RBBP8: variants seen among roughly 807,000 people sequenced by gnomAD.
RBBP8 encodes the protein RB binding protein 8, endonuclease.
Under a neutral mutation model 108.3 loss-of-function variants are expected in RBBP8, and 88 were observed. That is an observed-to-expected ratio of 0.81 (90% CI 0.68 to 0.97). The LOEUF (loss-of-function observed/expected upper bound fraction) is 0.97, where lower values mean the gene tolerates loss of function less well. RBBP8 is among the 50% of genes least tolerant of loss of function. The pLI, the probability that RBBP8 is intolerant of heterozygous loss-of-function variation, is 0.00. For missense variants in RBBP8, 1,023 were observed against 1,049.0 expected (o/e 0.98, Z 0.34); for synonymous variants, 332 against 348.2 (o/e 0.95, Z 0.52).
intron 17 of RBBP8, among the ~76,000 whole-genome samples, chr18:23,020,237 A>G (rs2144838480): frequency 6.6e-6 from 1 of 151,786 alleles, no homozygotes; most frequent in Non-Finnish European, 1.5e-5. Flanking sequence ...CCTGGCCAAC[A>G]TGGTAAAACC....
At chr18:22,998,449 T>G (rs892162533) in intron 14 of RBBP8, among the ~76,000 whole-genome samples, 1 of 152,200 alleles carries the variant, frequency 6.6e-6, no homozygotes, top group Non-Finnish European at 1.5e-5. Context: ...ATGAGAACAA[T>G]AGGAGGATTT....
At chr18:23,008,092 G>A (rs9963962) in intron 16 of RBBP8, among the ~76,000 whole-genome samples, 74,710 of 151,936 alleles carry the variant, frequency 0.49, 21,713 homozygotes, top group Middle Eastern at 0.67. Context: ...GATTACAGGC[G>A]TGAACCACCA....
At chr18:22,966,741 T>G (rs34559785) in intron 4 of RBBP8, among the ~76,000 whole-genome samples, 1 of 138,662 alleles carries the variant, frequency 7.2e-6, no homozygotes, top group East Asian at 2.0e-4. Flanking sequence ...TTTTTTTTTT[T>G]GGAGAGAGAG....
upstream of RBBP8, among the ~76,000 whole-genome samples, chr18:22,930,126 T>A (rs766511299): frequency 6.6e-6 from 1 of 152,154 alleles, no homozygotes; most frequent in Non-Finnish European, 1.5e-5. Flanking sequence ...AATCCTAGAG[T>A]CTGTACTGCT....
intron 4 of RBBP8, among the ~76,000 whole-genome samples, chr18:22,963,874 C>T (rs1249169331): frequency 1.3e-5 from 2 of 152,052 alleles, no homozygotes; most frequent in African/African-American, 4.8e-5. Flanking sequence ...GTCCCTCTCA[C>T]TACCATTTTG....
rs1240713465 is a variant in RBBP8, at chr18:23,009,927, A to G, written c.2357+3495A>G. ...CAGGCATGCGCCACCACGCGCAGCTAATTTTTGTATTTTTAGTGGAGATGG... is the reference window on the plus strand; with the variant it reads ...CAGGCATGCGCCACCACGCGCAGCTGATTTTTGTATTTTTAGTGGAGATGG... On this transcript the variant is annotated intron_variant, in intron 16 of 18. Coordinates refer to ENST00000327155, the MANE Select transcript of RBBP8 (RefSeq NM_002894.3). 2.6e-5 allele frequency among the ~76,000 whole-genome samples: 4 copies of G among 152,066 alleles called. No homozygotes were observed. The East Asian group carries it at 7.7e-4, about 29-fold the overall frequency.
upstream of RBBP8, among the ~76,000 whole-genome samples, chr18:22,933,158 G>A (rs1910145684): frequency 6.6e-6 from 1 of 152,242 alleles, no homozygotes; most frequent in Non-Finnish European, 1.5e-5. Flanking sequence ...ATGCTGTGGC[G>A]GTCGCCAGAC....
chr18:22,966,575 TAAAAAA>T (rs1324193536), intron 4 of RBBP8, among the ~76,000 whole-genome samples: 1 of 20,004 alleles, frequency 5.0e-5, no homozygotes, highest in African/African-American at 1.1e-4. Flanking sequence ...CCCATCTCAT[TAAAAAA>T]AAAAAAAAAA....
chr18:23,007,690 TC>T, intron 16 of RBBP8, among the ~76,000 whole-genome samples: 1 of 110,406 alleles, frequency 9.1e-6, no homozygotes, highest in South Asian at 3.9e-4. Context: ...AGAGCGAGAC[TC>T]CGTCTCAGAA....
chr18:22,918,459 G>A (rs1011031536), intron 3 of RBBP8, among the ~76,000 whole-genome samples: 1 of 152,122 alleles, frequency 6.6e-6, no homozygotes, highest in Non-Finnish European at 1.5e-5. Context: ...TGTGTGATAA[G>A]TATTTGTGTA....
intron 5 of RBBP8, among the ~76,000 whole-genome samples, chr18:22,971,897 G>A (rs540386550): frequency 2.0e-5 from 3 of 150,128 alleles, no homozygotes; most frequent in East Asian, 2.0e-4. Flanking sequence ...CGCTCACCTC[G>A]GCCTCCCAAA....
In RBBP8 at chr18:23,026,223, A is replaced by G; in HGVS notation, c.2677A>G (p.Lys893Glu). 1 of 1,613,450 alleles carries G rather than the reference A, an allele frequency of 6.2e-7. No individual in the cohort carries two copies. The highest frequency in any genetic ancestry group is 2.2e-5 in the East Asian group (1 of 44,804). ...CAACGCAATATTTTCTCCAAAAGGC[A>G]AGGAGCAGAAGACATAGACGTTGAA... ...PYNAIFSPKG[K>E]EQKT is the part of the protein sequence containing the mutation. The change falls in exon 19 of 19, where the codon AAG (lysine) becomes GAG (glutamate). Residue 893 changes from lysine (K) to glutamate (E), a missense_variant. Physicochemically the swap from Lys to Glu is moderately conservative, Grantham distance 56. Coordinates refer to ENST00000327155, the MANE Select transcript of RBBP8 (RefSeq NM_002894.3).
chr18:22,923,242 A>T (rs960280571), intron 3 of RBBP8, among the ~76,000 whole-genome samples: 10 of 152,240 alleles, frequency 6.6e-5, no homozygotes, highest in Admixed American at 1.3e-4. Flanking sequence ...CAACCAAAGT[A>T]CAGAGAAATT....
In RBBP8 at chr18:22,989,123, C is replaced by T. The variant is rs1420904973; in HGVS notation, c.710-98C>T. On this transcript the variant is annotated intron_variant, in intron 8 of 18. Transcript: ENST00000327155. ...TAGTGCCATCTTATGAAGTGTGAGCCTTTTCCTTCATCTTTTGTCATTTTA... is the reference window on the plus strand; with the variant it reads ...TAGTGCCATCTTATGAAGTGTGAGCTTTTTCCTTCATCTTTTGTCATTTTA... The T allele has an allele frequency of 3.5e-6, 3 of 863,434 alleles. No homozygotes were observed. The Admixed American group carries it at 6.5e-5, about 19-fold the overall frequency. 53.5% of individuals were successfully genotyped at this position (863,434 alleles called of 1,614,324 possible).
Position 23,001,593 on chromosome 18 carries a change from A to G in RBBP8, c.2151A>G (p.Glu717=). The part of the protein sequence containing the change: ...EQKGEKSSNE[E]RKMNDSLEDM... ...CAGTGCTCTTTTACATAGATGAAGA[A>G]AGAAAAATGAATGATAGCTTGGAAG... The change falls in exon 15 of 19, where the codon GAA becomes GAG. Residue 717 remains glutamate (E), a synonymous_variant. Transcript: ENST00000327155. 1 of 1,614,132 alleles carries G rather than the reference A, an allele frequency of 6.2e-7. No homozygotes were observed. The highest frequency in any genetic ancestry group is 1.1e-5 in the South Asian group (1 of 91,084).
chr18:22,990,242 A>G (rs1414679878), intron 9 of RBBP8, among the ~76,000 whole-genome samples: 1 of 152,202 alleles, frequency 6.6e-6, no homozygotes, highest in Non-Finnish European at 1.5e-5. Context: ...TAGCATCTGC[A>G]TCAGTTTTGA....
intron 3 of RBBP8, among the ~76,000 whole-genome samples, chr18:22,922,808 A>G (rs1026812175): frequency 1.3e-5 from 2 of 152,176 alleles, no homozygotes; most frequent in African/African-American, 2.4e-5. Context: ...ATAAATAAAG[A>G]GATTAGTTTC....
At chr18:23,013,761 T>A (rs570915805) in intron 16 of RBBP8, among the ~76,000 whole-genome samples, 10 of 152,344 alleles carry the variant, frequency 6.6e-5, no homozygotes, top group Non-Finnish European at 1.0e-4. Flanking sequence ...CAGGGCTGAT[T>A]TCCAGAAGGA....
At chr18:22,942,621 G>A (rs1210216733) in intron 2 of RBBP8, among the ~76,000 whole-genome samples, 1 of 152,008 alleles carries the variant, frequency 6.6e-6, no homozygotes, top group Non-Finnish European at 1.5e-5. Context: ...AATGCTGCTA[G>A]TATCAGTGTC....
Sources: gnomAD v4.1 joint callset for allele counts (sites outside exome capture counted in the v4.1 genomes callset) on GRCh38, gnomAD v4.1.1 for gene constraint, MANE v1.5 for transcripts, NCBI Gene and HGNC (gene_info 2026-07-23, HGNC 2026-07-21) for gene names.